Variants in KCNJ3 observed in about 807,000 individuals in gnomAD.
KCNJ3 encodes potassium inwardly rectifying channel subfamily J member 3.
KCNJ3 carries 4 observed loss-of-function variants against 39.2 expected under a neutral mutation model. The observed-to-expected ratio is 0.10, with a 90% CI of 0.05 to 0.23. KCNJ3 has a LOEUF of 0.23. Ranked by LOEUF, KCNJ3 falls within the 10% of genes least tolerant of loss-of-function variation. The pLI is 1.00. For missense variants in KCNJ3, 276 were observed against 634.9 expected (o/e 0.43, Z 6.08); for synonymous variants, 230 against 237.4 (o/e 0.97, Z 0.29).
rs1284396091 is a variant in KCNJ3, at chr2:154,856,227, A to G, written c.*914A>G. The G allele has an allele frequency of 6.6e-6, 1 of 152,614 alleles. No homozygotes were observed. The highest frequency in any genetic ancestry group is 2.4e-5 in the African/African-American group (1 of 41,466). 9.5% of individuals were successfully genotyped at this position (152,614 alleles called of 1,614,324 possible). ...AAATCTGTTTTGTATATGATCTAAT[A>G]CAAAGATGAGCTCTGAACAAACACT... On this transcript the variant is annotated 3_prime_UTR_variant, in exon 3 of 3. Coordinates refer to ENST00000295101, the MANE Select transcript of KCNJ3 (RefSeq NM_002239.4).
chr2:154,731,342 A>G (rs1160457596), intron 2 of KCNJ3, among the ~76,000 whole-genome samples: 1 of 152,108 alleles, frequency 6.6e-6, no homozygotes, highest in Non-Finnish European at 1.5e-5. Context: ...AATTTTGAAA[A>G]CTCAAATTTA....
At chr2:154,705,026 G>A (rs1324686475) in intron 1 of KCNJ3, among the ~76,000 whole-genome samples, 3 of 152,152 alleles carry the variant, frequency 2.0e-5, no homozygotes, top group East Asian at 3.9e-4. Flanking sequence ...CCCTTTTCCA[G>A]CAAGGACTTG....
chr2:154,708,276 A>G (rs1039320854), intron 1 of KCNJ3, among the ~76,000 whole-genome samples: 1 of 152,132 alleles, frequency 6.6e-6, no homozygotes, highest in Non-Finnish European at 1.5e-5. Flanking sequence ...AATTGCTGCC[A>G]TAATGAAGCA....
Position 154,854,989 on chromosome 2 carries a change from T to C in KCNJ3, c.1182T>C (p.Asp394=). ...NSVECLDGLD[D]ITTKLPSKLQ... is the part of the protein sequence containing the mutation. Reference sequence around the variant, plus strand: ...TGGAATGCTTAGATGGACTAGATGATATTACTACAAAACTACCATCTAAGC... The same window carrying C: ...TGGAATGCTTAGATGGACTAGATGACATTACTACAAAACTACCATCTAAGC... The change falls in exon 3 of 3, where the codon GAT becomes GAC. Residue 394 remains aspartate, a synonymous_variant. Coordinates refer to ENST00000295101, the MANE Select transcript of KCNJ3 (RefSeq NM_002239.4). 6.2e-7 allele frequency: 1 copy of C among 1,614,020 alleles called. No homozygotes were observed. Among genetic ancestry groups the C allele is most frequent in the South Asian group, 1.1e-5 (1 of 91,084 alleles).
intron 2 of KCNJ3, among the ~76,000 whole-genome samples, chr2:154,810,436 A>G (rs959842630): frequency 5.3e-5 from 8 of 152,142 alleles, no homozygotes; most frequent in African/African-American, 1.9e-4. Flanking sequence ...GCAAGACAAG[A>G]ACACTTTTGG....
At chr2:154,737,523 A>G (rs1685568945) in intron 2 of KCNJ3, among the ~76,000 whole-genome samples, 1 of 152,194 alleles carries the variant, frequency 6.6e-6, no homozygotes. Flanking sequence ...GAGAAAAATC[A>G]ATCCAGGACA....
rs1686060107 is a variant in KCNJ3, at chr2:154,762,313, C to A, written c.919+52494C>A. 2.0e-5 allele frequency among the ~76,000 whole-genome samples: 3 copies of A among 152,308 alleles called. No individual in the cohort carries two copies. In the South Asian group the frequency reaches 6.2e-4, roughly 32 times the overall value. On this transcript the variant is annotated intron_variant, in intron 2 of 2. Transcript: ENST00000295101. The stretch of plus-strand genomic sequence containing the variant: ...AAAAAGTGCCTTTAATATTATGTAT[C>A]AAATAACAAACGTTGTCATAGTGTG...
At position 154,857,914 on chromosome 2, in the gene KCNJ3, AAAAAAAAAAAAAAG is replaced by A. The variant is rs1409691448; in HGVS notation, c.*2604_*2617del. 17 of 123,300 alleles carry A rather than the reference AAAAAAAAAAAAAAG, an allele frequency of 1.4e-4. No individual in the cohort carries two copies. In the East Asian group the frequency reaches 4.2e-3, roughly 30 times the overall value. The allele number at this position is 123,300 out of a possible 1,614,324, so 7.6% of individuals were successfully genotyped here. The stretch of plus-strand genomic sequence containing the variant: ...AAAAAAAAAAAAAAAAAAAAAAAAA[AAAAAAAAAAAAAAG>A]AATAAAAACAGGGTAACATAATGCA... On this transcript the variant is annotated 3_prime_UTR_variant, in exon 3 of 3. Transcript: ENST00000295101.
At position 154,856,918 on chromosome 2, in the gene KCNJ3, T is replaced by C. The variant is rs1687850042; in HGVS notation, c.*1605T>C. The C allele has an allele frequency of 1.3e-5, 2 of 152,182 alleles. No homozygotes were observed. Among genetic ancestry groups the C allele is most frequent in the Non-Finnish European group, 2.9e-5 (2 of 68,030 alleles). The allele number at this position is 152,182 out of a possible 1,614,324, so 9.4% of individuals were successfully genotyped here. The stretch of plus-strand genomic sequence containing the variant: ...CAGTCTGCCCCAACTTTAAAAAAAA[T>C]TCTTATTAATATGTCAGTCATTAAT... On this transcript the variant is annotated 3_prime_UTR_variant, in exon 3 of 3. Transcript: ENST00000295101.
At chr2:154,764,705 A>G (rs138642218) in intron 2 of KCNJ3, among the ~76,000 whole-genome samples, 1 of 46,670 alleles carries the variant, frequency 2.1e-5, no homozygotes, top group East Asian at 3.6e-3. Flanking sequence ...TAATCTAATT[A>G]AAAAAAAAGA....
At chr2:154,709,483 G>A in intron 1 of KCNJ3, 120 bp from the exon 2 acceptor site, 1 of 1,016,946 alleles carries the variant, frequency 9.8e-7, no homozygotes, top group Non-Finnish European at 1.4e-6. Context: ...GATTTGTTTG[G>A]ATTTTGTTGC....
intron 2 of KCNJ3, among the ~76,000 whole-genome samples, chr2:154,798,431 G>T (rs1444286543): frequency 1.3e-5 from 2 of 152,060 alleles, no homozygotes; most frequent in Non-Finnish European, 2.9e-5. Context: ...TTATTCTAAA[G>T]TCTATCTGGA....
chr2:154,805,820 T>A (rs1686900645), intron 2 of KCNJ3, among the ~76,000 whole-genome samples: 2 of 152,120 alleles, frequency 1.3e-5, no homozygotes, highest in South Asian at 2.1e-4. Context: ...AAATAGGATT[T>A]AAAAAAATTA....
chr2:154,786,348 A>G (rs1686529508), intron 2 of KCNJ3, among the ~76,000 whole-genome samples: 1 of 152,238 alleles, frequency 6.6e-6, no homozygotes, highest in Non-Finnish European at 1.5e-5. Context: ...CCAAGGGGAC[A>G]TAGAAAGCCA....
At chr2:154,732,210 T>A (rs1685459208) in intron 2 of KCNJ3, among the ~76,000 whole-genome samples, 2 of 152,124 alleles carry the variant, frequency 1.3e-5, no homozygotes, top group South Asian at 4.1e-4. Context: ...TTGTAAGAAG[T>A]GAGTTTTGCA....
At chr2:154,780,327 ATGAC>A (rs1480225652) in intron 2 of KCNJ3, among the ~76,000 whole-genome samples, 1 of 152,168 alleles carries the variant, frequency 6.6e-6, no homozygotes. Flanking sequence ...TTCATGTGAT[ATGAC>A]TGCTGGATAG....
intron 2 of KCNJ3, among the ~76,000 whole-genome samples, chr2:154,848,782 C>T (rs969597885): frequency 5.3e-5 from 8 of 152,092 alleles, no homozygotes; most frequent in Non-Finnish European, 8.8e-5. Context: ...AGCTGGGATG[C>T]GGCCCCAGGG....
chr2:154,778,892 G>A (rs1394748794), intron 2 of KCNJ3, among the ~76,000 whole-genome samples: 1 of 151,888 alleles, frequency 6.6e-6, no homozygotes, highest in Non-Finnish European at 1.5e-5. Flanking sequence ...TTTTGAAGGG[G>A]GCTAAAACTT....
At chr2:154,730,281 T>A (rs80073431) in intron 2 of KCNJ3, among the ~76,000 whole-genome samples, 5,716 of 152,088 alleles carry the variant, frequency 0.038, 181 homozygotes, top group Non-Finnish European at 0.051. Flanking sequence ...ATTGAGTAGT[T>A]TTAGTTGTAC....
Sources: allele counts gnomAD v4.1 joint callset (sites outside exome capture counted in the v4.1 genomes callset), GRCh38; gene constraint gnomAD v4.1.1; transcripts MANE v1.5; gene names NCBI Gene and HGNC (gene_info 2026-07-23, HGNC 2026-07-21).